The following CADPS variants were observed in gnomAD, a reference collection of about 807,000 sequenced individuals.
CADPS encodes calcium-dependent secretion activator 1.
CADPS carries 57 observed loss-of-function variants against 167.3 expected under a neutral mutation model. The observed-to-expected ratio is 0.34, with a 90% CI of 0.28 to 0.42. CADPS has a LOEUF of 0.42. CADPS is among the 20% of genes least tolerant of loss of function. The pLI is 1.00. For missense variants in CADPS, 1,414 were observed against 1,738.1 expected (o/e 0.81, Z 3.32); for synonymous variants, 676 against 635.3 (o/e 1.06, Z -0.96).
chr3:62,820,795 G>GTTTTTTTTTT (rs5849504), intron 1 of CADPS, among the ~76,000 whole-genome samples: 1 of 137,994 alleles, frequency 7.2e-6, no homozygotes. Context: ...CTTTTTTTTG[G>GTTTTTTTTTT]TTTTTTTTTT....
intron 3 of CADPS, among the ~76,000 whole-genome samples, chr3:62,694,127 G>A (rs940822343): frequency 1.3e-5 from 2 of 152,068 alleles, no homozygotes; most frequent in African/African-American, 4.8e-5. Context: ...TTCCTCTCAC[G>A]AAGGCTGGCC....
chr3:62,596,088 TAC>T (rs56780830), intron 6 of CADPS, among the ~76,000 whole-genome samples: 4,589 of 135,664 alleles, frequency 0.034, 109 homozygotes, highest in African/African-American at 0.09. Context: ...TATATATGTA[TAC>T]ACACACACAC....
In CADPS at chr3:62,803,831, A is replaced by T. The variant is rs182604413; in HGVS notation, c.442-37847T>A. ...GTAACTTCAAGTTCTTCTCCTGCTG[A>T]TCTTGTCCTACATCCTCTCACCAGT... On this transcript the variant is annotated intron_variant, in intron 1 of 29. Transcript: ENST00000383710. Among the ~76,000 whole-genome samples, 472 of 152,170 alleles carry T rather than the reference A, an allele frequency of 3.1e-3. 2 individuals are homozygous for T. Among genetic ancestry groups the T allele is most frequent in the Non-Finnish European group, 4.3e-3 (291 of 68,006 alleles).
chr3:62,577,686 G>A (rs1396628550), intron 8 of CADPS, among the ~76,000 whole-genome samples: 1 of 152,216 alleles, frequency 6.6e-6, no homozygotes, highest in South Asian at 2.1e-4. Flanking sequence ...TACTGCACAT[G>A]TATTAGCTCA....
rs376315928 is a variant in CADPS, at chr3:62,492,298, C to A, written c.2876G>T (p.Arg959Leu). Residue 959 changes from arginine to leucine, a missense_variant, in exon 20 of 30, where the codon CGT becomes CTT. Arg to Leu is a moderately radical substitution (Grantham distance 102). Transcript: ENST00000383710. The stretch of plus-strand genomic sequence containing the variant: ...TCAAAGGTAATACATACAGTCAGTA[C>A]GGAGAAAATCATTCAGCAGCTGAAA... ...PLFQLLNDFL[R>L]TDYNLCNGKF... 2.5e-6 allele frequency: 4 copies of A among 1,613,798 alleles called. No individual in the cohort carries two copies. Among genetic ancestry groups the A allele is most frequent in the Non-Finnish European group, 3.4e-6 (4 of 1,179,804 alleles).
chr3:62,602,845 CTTAG>C lies in CADPS; in HGVS notation c.1326-10101_1326-10098del, dbSNP rs2149115473. 6.6e-6 allele frequency among the ~76,000 whole-genome samples: 1 copy of C among 152,288 alleles called. No individual in the cohort carries two copies. The highest frequency in any genetic ancestry group is 2.4e-5 in the African/African-American group (1 of 41,558). On this transcript the variant is annotated intron_variant, in intron 6 of 29. Coordinates refer to ENST00000383710, the MANE Select transcript of CADPS (RefSeq NM_003716.4). This position sits in a 1 kb window ranked among gnomAD's most constrained non-coding sequence, Gnocchi z 4.4. ...ATCTGTTCCTCTAAGGCTTCCCCGG[CTTAG>C]TTAAAGGAACTGCCAGCCACCCAGA...
In CADPS at chr3:62,478,227, G is replaced by T; in HGVS notation, c.3329+34C>A. 1 of 1,610,074 alleles carries T rather than the reference G, an allele frequency of 6.2e-7. No individual in the cohort carries two copies. The highest frequency in any genetic ancestry group is 8.5e-7 in the Non-Finnish European group (1 of 1,177,354). On this transcript the variant is annotated intron_variant, in intron 23 of 29. Coordinates refer to ENST00000383710, the MANE Select transcript of CADPS (RefSeq NM_003716.4). The surrounding 1 kb of genome is among the most constrained non-coding windows in gnomAD (Gnocchi z 5.7). Reference sequence around the variant, plus strand: ...CCCTGAGTCTGTGTATGGTGGGGAGGGTGTGCAGAACCTGTCCAGCCACCT... The same window carrying T: ...CCCTGAGTCTGTGTATGGTGGGGAGTGTGTGCAGAACCTGTCCAGCCACCT...
intron 6 of CADPS, among the ~76,000 whole-genome samples, chr3:62,629,116 A>C (rs72874437): frequency 6.6e-6 from 1 of 152,260 alleles, no homozygotes; most frequent in African/African-American, 2.4e-5. Flanking sequence ...TTTTTAAATA[A>C]AAGCTTTAGT....
At chr3:62,604,778 C>T (rs1425949223) in intron 6 of CADPS, among the ~76,000 whole-genome samples, 1 of 152,234 alleles carries the variant, frequency 6.6e-6, no homozygotes. Flanking sequence ...GCCCCATCTC[C>T]ATCACCCAGC....
intron 3 of CADPS, among the ~76,000 whole-genome samples, chr3:62,691,179 TG>T (rs1430144663): frequency 2.0e-5 from 3 of 151,898 alleles, no homozygotes; most frequent in African/African-American, 7.3e-5. Flanking sequence ...GAGGGAGTGA[TG>T]AAAAGGCAGA....
chr3:62,824,329 T>C lies in CADPS; in HGVS notation c.441+50260A>G, dbSNP rs541294628. On this transcript the variant is annotated intron_variant, in intron 1 of 29. Coordinates refer to ENST00000383710, the MANE Select transcript of CADPS (RefSeq NM_003716.4). Reference sequence around the variant, plus strand: ...ATCATCAGCTAAAAAATGGAGTCAATTAAACTTTGTGGCAGCAACAGATTT... The same window carrying C: ...ATCATCAGCTAAAAAATGGAGTCAACTAAACTTTGTGGCAGCAACAGATTT... 5.9e-5 allele frequency among the ~76,000 whole-genome samples: 9 copies of C among 152,292 alleles called. 1 individual carries two copies. The South Asian group carries it at 1.9e-3, about 32-fold the overall frequency.
chr3:62,599,291 T>A (rs537990357), intron 6 of CADPS, among the ~76,000 whole-genome samples: 10 of 151,530 alleles, frequency 6.6e-5, no homozygotes, highest in Non-Finnish European at 1.2e-4. Context: ...TCACACTGTA[T>A]GACTAGCTTA....
intron 6 of CADPS, among the ~76,000 whole-genome samples, chr3:62,612,322 C>T (rs147220611): frequency 1.2e-4 from 18 of 152,264 alleles, no homozygotes; most frequent in Admixed American, 4.6e-4. Context: ...AAGCATTGGA[C>T]GCATACAAAG....
intron 6 of CADPS, among the ~76,000 whole-genome samples, chr3:62,643,560 T>C (rs1188818390): frequency 6.6e-6 from 1 of 152,246 alleles, no homozygotes; most frequent in Non-Finnish European, 1.5e-5. Context: ...AATCATTCTG[T>C]AATTATTTGT....
At chr3:62,470,959 A>T (rs1234566492) in intron 24 of CADPS, among the ~76,000 whole-genome samples, 1 of 152,186 alleles carries the variant, frequency 6.6e-6, no homozygotes, top group Non-Finnish European at 1.5e-5. Context: ...TACTTTATCA[A>T]ATAGAACAAT....
chr3:62,437,207 A>C (rs1001295609), intron 28 of CADPS, among the ~76,000 whole-genome samples: 10 of 152,026 alleles, frequency 6.6e-5, no homozygotes, highest in Non-Finnish European at 1.3e-4. Flanking sequence ...CAAGAACATC[A>C]GCTTCCATGC....
In CADPS at chr3:62,514,609, C is replaced by G. The variant is rs2068564140; in HGVS notation, c.2581+1450G>C. 6.6e-6 allele frequency among the ~76,000 whole-genome samples: 1 copy of G among 152,094 alleles called. No individual in the cohort carries two copies. The highest frequency in any genetic ancestry group is 1.5e-5 in the Non-Finnish European group (1 of 67,982). ...TACTTTGGAAATGAATGCATTTTTA[C>G]TTACAGATCTTAAAGTTTGTTTTTG... On this transcript the variant is annotated intron_variant, in intron 16 of 29. Coordinates refer to ENST00000383710, the MANE Select transcript of CADPS (RefSeq NM_003716.4). This position sits in a 1 kb window ranked among gnomAD's most constrained non-coding sequence, Gnocchi z 4.2.
At chr3:62,593,597 G>A (rs1442491969) in intron 6 of CADPS, among the ~76,000 whole-genome samples, 1 of 152,126 alleles carries the variant, frequency 6.6e-6, no homozygotes, top group Non-Finnish European at 1.5e-5. Context: ...GGGCAATCTG[G>A]ACCCCTACCT....
chr3:62,780,247 A>G (rs1366097424), intron 1 of CADPS, among the ~76,000 whole-genome samples: 1 of 152,044 alleles, frequency 6.6e-6, no homozygotes, highest in Non-Finnish European at 1.5e-5. Context: ...AAGATCCCAT[A>G]CCTCAAAACT....
Sources: gnomAD v4.1 joint callset for allele counts (sites outside exome capture counted in the v4.1 genomes callset) on GRCh38, gnomAD v4.1.1 for gene constraint, Gnocchi (gnomAD v3.1) non-coding constraint, MANE v1.5 for transcripts, NCBI Gene and HGNC (gene_info 2026-07-23, HGNC 2026-07-21) for gene names.